Variants in SHISA9 observed in about 807,000 individuals in gnomAD.
SHISA9 encodes shisa family member 9.
A neutral mutation model predicts 38.0 loss-of-function variants in SHISA9; 13 were observed. The ratio of observed to expected loss-of-function variants is 0.34; its 90% CI spans 0.22 to 0.54. The LOEUF is 0.54. Among genes scored for constraint, SHISA9 ranks in the 20% least tolerant of loss-of-function variants. The pLI is 0.91. For synonymous variants in SHISA9, 275 were observed against 242.0 expected (o/e 1.14, Z -1.27); for missense variants, 538 against 575.8 (o/e 0.93, Z 0.67).
the SHISA9 span, among the ~76,000 whole-genome samples, chr16:13,508,221 T>C: frequency 6.6e-6 from 1 of 152,222 alleles, no homozygotes; most frequent in Non-Finnish European, 1.5e-5. Context: ...ATTGTGTTTA[T>C]TTTTTCCACT....
the SHISA9 span, among the ~76,000 whole-genome samples, chr16:13,544,714 G>C: frequency 2.0e-5 from 3 of 152,020 alleles, no homozygotes; most frequent in African/African-American, 7.2e-5. Flanking sequence ...AGGCCGAGGT[G>C]GGCAGATCAC....
Position 13,105,324 on chromosome 16 carries a change from G to A in SHISA9, c.692-98070G>A, listed in dbSNP as rs150937959. On this transcript the variant is annotated intron_variant, in intron 2 of 4. Coordinates refer to ENST00000558583, the MANE Select transcript of SHISA9 (RefSeq NM_001145204.3). Reference sequence around the variant, plus strand: ...AGGTGTCTAAGCTTGGAGGAGATGCGGTAAGCATTGCTATTACTGTCTACT... The same window carrying A: ...AGGTGTCTAAGCTTGGAGGAGATGCAGTAAGCATTGCTATTACTGTCTACT... 9.3e-4 allele frequency among the ~76,000 whole-genome samples: 142 copies of A among 152,252 alleles called. 1 individual carries two copies. The East Asian group carries it at 0.016, about 17-fold the overall frequency.
intron 2 of SHISA9, among the ~76,000 whole-genome samples, chr16:13,043,529 C>T (rs1296754438): frequency 1.3e-5 from 2 of 152,146 alleles, no homozygotes; most frequent in Non-Finnish European, 2.9e-5. Context: ...ATGCAAAACA[C>T]GTTATATTAA....
chr16:13,036,429 C>T (rs1330226932), intron 2 of SHISA9, among the ~76,000 whole-genome samples: 1 of 152,030 alleles, frequency 6.6e-6, no homozygotes, highest in African/African-American at 2.4e-5. Flanking sequence ...CAAATGAAAT[C>T]TAGTGTCCGA....
intron 2 of SHISA9, among the ~76,000 whole-genome samples, chr16:12,984,062 A>G (rs565767208): frequency 6.6e-6 from 1 of 152,098 alleles, no homozygotes; most frequent in African/African-American, 2.4e-5. Flanking sequence ...GTTCTAGTCC[A>G]TCTGGGGCTC....
At chr16:13,503,686 C>G in the SHISA9 span, among the ~76,000 whole-genome samples, 2 of 59,504 alleles carry the variant, frequency 3.4e-5, no homozygotes, top group Admixed American at 1.8e-4. Flanking sequence ...GAAGGAGTGA[C>G]CAAAAAAAAA....
At chr16:13,123,091 A>C (rs1480508969) in intron 2 of SHISA9, among the ~76,000 whole-genome samples, 1 of 150,560 alleles carries the variant, frequency 6.6e-6, no homozygotes, top group Non-Finnish European at 1.5e-5. Context: ...TGAGAAACCA[A>C]CTTGCCTAAG....
At chr16:12,936,119 C>T (rs2141750415) in intron 2 of SHISA9, among the ~76,000 whole-genome samples, 1 of 152,212 alleles carries the variant, frequency 6.6e-6, no homozygotes, top group South Asian at 2.1e-4. Flanking sequence ...CGTCTGATGT[C>T]CCTTCGCTAG....
chr16:12,916,601 A>G (rs866104333), intron 1 of SHISA9, 87 bp from the exon 2 acceptor site: 71 of 1,444,172 alleles, frequency 4.9e-5, no homozygotes, highest in South Asian at 1.9e-4. Flanking sequence ...CCGCCTTGCC[A>G]TTTGTTCGCG....
chr16:13,354,056 A>ACC, the SHISA9 span, among the ~76,000 whole-genome samples: 2 of 147,274 alleles, frequency 1.4e-5, no homozygotes, highest in Admixed American at 1.4e-4. Flanking sequence ...TATTTTAGTT[A>ACC]TCTGACTCAG....
At chr16:13,275,793 T>C in the SHISA9 span, among the ~76,000 whole-genome samples, 1 of 151,940 alleles carries the variant, frequency 6.6e-6, no homozygotes, top group Admixed American at 6.6e-5. Flanking sequence ...TTAATGTCTC[T>C]AGAATCTCTG....
the SHISA9 span, among the ~76,000 whole-genome samples, chr16:13,543,886 T>C: frequency 6.6e-6 from 1 of 152,160 alleles, no homozygotes; most frequent in Non-Finnish European, 1.5e-5. Flanking sequence ...GAAACATTAT[T>C]CAAATATCTA....
intron 2 of SHISA9, among the ~76,000 whole-genome samples, chr16:13,033,163 C>G (rs7191837): frequency 0.78 from 118,226 of 152,110 alleles, 46,413 homozygotes; most frequent in African/African-American, 0.89. Context: ...GCTCTAACTG[C>G]ATTATGTTCT....
At chr16:12,970,467 GTGTATATATA>G (rs2072059703) in intron 2 of SHISA9, among the ~76,000 whole-genome samples, 7 of 23,622 alleles carry the variant, frequency 3.0e-4, no homozygotes, top group African/African-American at 1.4e-3. Context: ...ATATATGTGT[GTGTATATATA>G]TATATATATA....
intron 2 of SHISA9, among the ~76,000 whole-genome samples, chr16:13,098,440 C>G (rs1351356440): frequency 1.3e-5 from 2 of 152,142 alleles, no homozygotes; most frequent in African/African-American, 4.8e-5. Flanking sequence ...TCCCAGCAAC[C>G]CAGGGAGTCA....
At chr16:13,328,492 C>T in the SHISA9 span, among the ~76,000 whole-genome samples, 1 of 150,754 alleles carries the variant, frequency 6.6e-6, no homozygotes, top group African/African-American at 2.4e-5. Context: ...GGCTCACTGC[C>T]ACCTCTGCCT....
chr16:13,456,852 C>T, the SHISA9 span, among the ~76,000 whole-genome samples: 11 of 152,360 alleles, frequency 7.2e-5, 1 homozygote, highest in Middle Eastern at 6.8e-3. Context: ...CCATGCTTAT[C>T]ATCACATGTT....
the SHISA9 span, among the ~76,000 whole-genome samples, chr16:13,408,330 G>T: frequency 3.3e-5 from 5 of 152,064 alleles, no homozygotes; most frequent in Admixed American, 6.5e-5. Context: ...GCCACAGCAG[G>T]TTACAAATAT....
the SHISA9 span, among the ~76,000 whole-genome samples, chr16:13,420,256 A>T: frequency 6.7e-6 from 1 of 149,454 alleles, no homozygotes; most frequent in Non-Finnish European, 1.5e-5. Flanking sequence ...AAAAAAAAAA[A>T]AAAAAAAAAA....
Sources: allele counts gnomAD v4.1 joint callset (sites outside exome capture counted in the v4.1 genomes callset), GRCh38; gene constraint gnomAD v4.1.1; transcripts MANE v1.5; gene names NCBI Gene and HGNC (gene_info 2026-07-23, HGNC 2026-07-21).